ADAM2: variants seen among roughly 807,000 people sequenced by gnomAD.
ADAM2 encodes disintegrin and metalloproteinase domain-containing protein 2.
A neutral mutation model predicts 99.3 loss-of-function variants in ADAM2; 101 were observed. The observed-to-expected ratio is 1.02, with a 90% CI of 0.87 to 1.20. ADAM2 has a LOEUF of 1.20. Ranked by LOEUF, ADAM2 falls within the 50% of genes most tolerant of loss-of-function variation. The pLI, the probability that ADAM2 is intolerant of heterozygous loss-of-function variation, is 0.00. For synonymous variants in ADAM2, 323 were observed against 287.6 expected, an observed-to-expected ratio of 1.12 and a Z score of -1.25; for missense variants, 948 against 878.7, an observed-to-expected ratio of 1.08 and a Z score of -1.00.
rs976367204 is a variant in ADAM2, at chr8:39,749,537, G to A, written c.1876-87C>T. 23 of 1,490,760 alleles carry A rather than the reference G, an allele frequency of 1.5e-5. 1 individual carries two copies. The African/African-American group carries it at 2.8e-4, about 18-fold the overall frequency. 92.3% of individuals were successfully genotyped at this position (1,490,760 alleles called of 1,614,324 possible). ...GAATTATAAAATAATATGTAGGTCA[G>A]CTAAGGCCAATTTTCCTATATGTTT... On this transcript the variant is annotated intron_variant, in intron 17 of 20. Transcript: ENST00000265708.
intron 14 of ADAM2, among the ~76,000 whole-genome samples, chr8:39,761,681 A>G (rs1290822490): frequency 6.6e-6 from 1 of 152,244 alleles, no homozygotes; most frequent in Non-Finnish European, 1.5e-5. Flanking sequence ...CTTGTTTTAC[A>G]TCATAATTTC....
At chr8:39,787,975 G>A (rs538151829) in intron 9 of ADAM2, 110 bp downstream of exon 9, 2 of 647,972 alleles carry the variant, frequency 3.1e-6, no homozygotes, top group East Asian at 3.2e-5. Flanking sequence ...CATGGCGTGT[G>A]TGAGAAAAAA....
At chr8:39,766,521 C>A (rs1203350025) in intron 14 of ADAM2, among the ~76,000 whole-genome samples, 1 of 151,312 alleles carries the variant, frequency 6.6e-6, no homozygotes, top group Non-Finnish European at 1.5e-5. Flanking sequence ...CTCACTGGAA[C>A]CTCAGCCTCC....
rs72642846 is a variant in ADAM2 at position 39,806,683 on chromosome 8, C to A, written c.570+2727G>T. On this transcript the variant is annotated intron_variant, in intron 7 of 20. Transcript: ENST00000265708. ...GGCATTGTGCCTCCTGACTGCTTACCCTGAAATGCAAAATGATAGAGAAAC... is the reference window on the plus strand; with the variant it reads ...GGCATTGTGCCTCCTGACTGCTTACACTGAAATGCAAAATGATAGAGAAAC... Among the ~76,000 whole-genome samples the A allele has an allele frequency of 5.3e-3, 806 of 151,932 alleles. 8 individuals carry two copies. The highest frequency in any genetic ancestry group is 7.4e-3 in the Non-Finnish European group (504 of 67,962).
At chr8:39,819,576 G>A (rs745901920) in intron 6 of ADAM2, among the ~76,000 whole-genome samples, 1 of 152,058 alleles carries the variant, frequency 6.6e-6, no homozygotes, top group East Asian at 1.9e-4. Flanking sequence ...CTCTAGTAAA[G>A]CACATTACTC....
chr8:39,761,720 A>G (rs1489829831), intron 14 of ADAM2, among the ~76,000 whole-genome samples: 1 of 152,194 alleles, frequency 6.6e-6, no homozygotes, highest in Non-Finnish European at 1.5e-5. Flanking sequence ...TGGAGTCACA[A>G]TTGATTCATT....
chr8:39,816,189 C>CA (rs1804933929), intron 6 of ADAM2, among the ~76,000 whole-genome samples: 1 of 152,014 alleles, frequency 6.6e-6, no homozygotes, highest in African/African-American at 2.4e-5. Flanking sequence ...ACCAGCTACT[C>CA]GGGAGGCTGA....
At chr8:39,788,026 C>T (rs768260739) in intron 9 of ADAM2, 59 bp downstream of exon 9, 46 of 1,143,606 alleles carry the variant, frequency 4.0e-5, no homozygotes, top group Admixed American at 6.0e-5. Context: ...GTAAGATATT[C>T]GGTCAAATTG....
rs79516818 is a variant in ADAM2, at chr8:39,768,924, T to C, written c.1212+468A>G. ...GACTACAGTTAACAATATTGTATCA[T>C]ATACTTGAACTTTGCTAAGAAGGTA... is the stretch of plus-strand genomic sequence containing the variant. On this transcript the variant is annotated intron_variant, in intron 12 of 20. Transcript: ENST00000265708. 2.0e-5 allele frequency among the ~76,000 whole-genome samples: 3 copies of C among 152,286 alleles called. No homozygotes were observed. The East Asian group carries it at 5.8e-4, about 29-fold the overall frequency.
intron 17 of ADAM2, 79 bp downstream of exon 17, chr8:39,749,588 T>TGG: frequency 8.8e-7 from 1 of 1,141,740 alleles, no homozygotes. Flanking sequence ...TGTGTGTGCG[T>TGG]GTGTGTGTGT....
intron 16 of ADAM2, among the ~76,000 whole-genome samples, chr8:39,750,704 T>G (rs1384747640): frequency 6.6e-6 from 1 of 152,144 alleles, no homozygotes; most frequent in East Asian, 1.9e-4. Flanking sequence ...TAAAAAGAGA[T>G]GGGTGAATGA....
intron 4 of ADAM2, among the ~76,000 whole-genome samples, chr8:39,823,825 A>G (rs1464834109): frequency 6.6e-6 from 1 of 152,176 alleles, no homozygotes; most frequent in East Asian, 1.9e-4. Flanking sequence ...TCTCTTGGGC[A>G]AAACTTAAAG....
chr8:39,820,870 C>T (rs1400772046), intron 6 of ADAM2, 132 bp downstream of exon 6: 20 of 515,446 alleles, frequency 3.9e-5, no homozygotes, highest in Non-Finnish European at 6.8e-5. Flanking sequence ...GTTTCTGGTA[C>T]ATGTATCCAT....
chr8:39,826,448 G>A (rs568087683), intron 3 of ADAM2, among the ~76,000 whole-genome samples: 60 of 152,286 alleles, frequency 3.9e-4, no homozygotes, highest in African/African-American at 1.4e-3. Context: ...TCAAGGCCAG[G>A]AGCAGTGGCT....
intron 3 of ADAM2, among the ~76,000 whole-genome samples, chr8:39,833,354 C>T (rs1805692349): frequency 6.6e-6 from 1 of 152,028 alleles, no homozygotes; most frequent in African/African-American, 2.4e-5. Context: ...TTGGTAATTT[C>T]ATTTGCAGGC....
At chr8:39,825,764 GA>G (rs888251863) in intron 3 of ADAM2, among the ~76,000 whole-genome samples, 1 of 151,462 alleles carries the variant, frequency 6.6e-6, no homozygotes, top group African/African-American at 2.4e-5. Context: ...AATAGAAAAG[GA>G]AAAAAAAGTC....
intron 1 of ADAM2, among the ~76,000 whole-genome samples, chr8:39,837,448 G>A (rs941068830): frequency 2.6e-5 from 4 of 151,476 alleles, no homozygotes; most frequent in Non-Finnish European, 5.9e-5. Flanking sequence ...GTGCAGTGGT[G>A]AGATCTCTGC....
At chr8:39,753,731 G>A (rs900211121) in intron 16 of ADAM2, among the ~76,000 whole-genome samples, 2 of 152,124 alleles carry the variant, frequency 1.3e-5, no homozygotes, top group African/African-American at 4.8e-5. Context: ...TTTAGAGGGT[G>A]CAAGTAATAG....
Position 39,749,371 on chromosome 8 carries a change from G to C in ADAM2, c.1955C>G (p.Pro652Arg), listed in dbSNP as rs570332311. Residue 652 changes from proline to arginine, a missense_variant, in exon 18 of 21, where the codon CCT (proline) becomes CGT (arginine). Coordinates refer to ENST00000265708, the MANE Select transcript of ADAM2 (RefSeq NM_001464.5). ...PDCSVQSDLW[P>R]GGSIDSGNFP... is the part of the protein sequence containing the mutation. ...ATTGCCACTGTCAATACTCCCACCAGGCCATAGATCTGATTGAACTGAGCA... is the reference window on the plus strand; with the variant it reads ...ATTGCCACTGTCAATACTCCCACCACGCCATAGATCTGATTGAACTGAGCA... 6.2e-7 allele frequency: 1 copy of C among 1,613,346 alleles called. No individual in the cohort carries two copies. The highest frequency in any genetic ancestry group is 2.2e-5 in the East Asian group (1 of 44,854).
Sources: allele counts gnomAD v4.1 joint callset (sites outside exome capture counted in the v4.1 genomes callset), GRCh38; gene constraint gnomAD v4.1.1; transcripts MANE v1.5; gene names NCBI Gene and HGNC (gene_info 2026-07-23, HGNC 2026-07-21).